MLLT10: variants seen among roughly 807,000 people sequenced by gnomAD.
The protein encoded by MLLT10 is protein AF-10.
In MLLT10, 30 loss-of-function variants were observed where a neutral mutation model predicts 129.1. That is an observed-to-expected ratio of 0.23 (90% confidence interval 0.17 to 0.32). The LOEUF (loss-of-function observed/expected upper bound fraction) is 0.32. Among genes scored for constraint, MLLT10 ranks in the 10% least tolerant of loss-of-function variants. MLLT10 has a pLI of 1.00. For missense variants in MLLT10, 1,119 were observed against 1,268.3 expected (o/e 0.88, Z 1.79); for synonymous variants, 490 against 446.4 (o/e 1.10, Z -1.23).
At chr10:21,553,970 C>T (rs771682520) in intron 3 of MLLT10, among the ~76,000 whole-genome samples, 5 of 152,052 alleles carry the variant, frequency 3.3e-5, no homozygotes, top group Non-Finnish European at 7.4e-5. Context: ...TCTTTTTAAT[C>T]GTTTGTATGT....
In MLLT10 at chr10:21,534,625, TC is replaced by T; in HGVS notation, c.1-14del. On this transcript the variant is annotated intron_variant, in intron 1 of 22. Transcript: ENST00000307729. ...TCGGCTTGCATGTGTTTTTTAATGG[TC>T]CCCCCAACTCCCTCTTAGATGGTCT... The T allele has an allele frequency of 3.8e-6, 6 of 1,590,582 alleles. No homozygotes were observed. The highest frequency in any genetic ancestry group is 1.7e-5 in the Admixed American group (1 of 57,998).
At chr10:21,566,642 T>C (rs1361103048) in intron 3 of MLLT10, among the ~76,000 whole-genome samples, 1 of 152,038 alleles carries the variant, frequency 6.6e-6, no homozygotes, top group Non-Finnish European at 1.5e-5. Flanking sequence ...TTTTTGTTTT[T>C]TTGACTGTTT....
At chr10:21,541,591 G>A (rs1487691223) in intron 3 of MLLT10, among the ~76,000 whole-genome samples, 3 of 152,072 alleles carry the variant, frequency 2.0e-5, no homozygotes, top group Non-Finnish European at 1.5e-5. Flanking sequence ...TCACCATGTT[G>A]GCCAGGCTGG....
intron 8 of MLLT10, among the ~76,000 whole-genome samples, chr10:21,651,175 G>C (rs1265506951): frequency 3.3e-5 from 5 of 152,082 alleles, no homozygotes; most frequent in Non-Finnish European, 7.4e-5. Context: ...GGGTTCAAGC[G>C]ATTCTCCTGC....
rs529937300 is a variant in MLLT10 at position 21,662,978 on chromosome 10, C to A, written c.796-7471C>A. ...AGAGTCGCCTGAGGTTGTACATTTC[C>A]CTTCCCTAGGTTAGTTAGGCTCTGA... On this transcript the variant is annotated intron_variant, in intron 9 of 22. Coordinates refer to ENST00000307729, the MANE Select transcript of MLLT10 (RefSeq NM_001195626.3). Among the ~76,000 whole-genome samples, 7 of 152,270 alleles carry A rather than the reference C, an allele frequency of 4.6e-5. No homozygotes were observed. The South Asian group carries it at 8.3e-4, about 18-fold the overall frequency.
chr10:21,566,824 T>G (rs141268071), intron 3 of MLLT10, among the ~76,000 whole-genome samples: 1,873 of 152,264 alleles, frequency 0.012, 22 homozygotes, highest in Non-Finnish European at 0.02. Context: ...TTTTTTCTTC[T>G]TTTTTTGATA....
At chr10:21,679,121 T>A (rs1330902632) in intron 11 of MLLT10, among the ~76,000 whole-genome samples, 1 of 152,160 alleles carries the variant, frequency 6.6e-6, no homozygotes, top group East Asian at 1.9e-4. Context: ...ATTCTAAAAT[T>A]TGTATTATGG....
Position 21,727,927 on chromosome 10 carries a change from C to G in MLLT10, c.2062C>G (p.Arg688Gly). The change falls in exon 16 of 23, where the codon CGA becomes GGA. Residue 688 changes from arginine (R) to glycine (G), a missense_variant and splice_region_variant. This residue lies in a region of MLLT10 where 1,004 missense variants were observed against 1,008.7 expected (regional missense o/e 1.00). Transcript: ENST00000307729. ...GSSPRGSLSP[R>G]SPVSSLQIRY... is the part of the protein sequence containing the mutation. ...CTCACCCCGAGGAAGTCTCTCGCCA[C>G]GGTAAGCGCTATTTACACTGCAAAG... 4 of 1,613,644 alleles carry G rather than the reference C, an allele frequency of 2.5e-6. No homozygotes were observed. The highest frequency in any genetic ancestry group is 1.3e-5 in the African/African-American group (1 of 74,996).
chr10:21,569,538 A>G (rs2131029541), intron 3 of MLLT10, among the ~76,000 whole-genome samples: 1 of 150,228 alleles, frequency 6.7e-6, no homozygotes, highest in East Asian at 2.0e-4. Flanking sequence ...CTCCTGCCTC[A>G]GCCTCCCGAG....
At chr10:21,608,679 G>A (rs2044300401) in intron 5 of MLLT10, among the ~76,000 whole-genome samples, 1 of 151,774 alleles carries the variant, frequency 6.6e-6, no homozygotes, top group Non-Finnish European at 1.5e-5. Context: ...TTTTCAGGCT[G>A]TTCTTTAGGT....
chr10:21,723,829 G>T (rs1008291184), intron 14 of MLLT10, among the ~76,000 whole-genome samples: 1 of 152,086 alleles, frequency 6.6e-6, no homozygotes, highest in African/African-American at 2.4e-5. Context: ...AGAGTAAATT[G>T]GCTCTACAAA....
chr10:21,735,777 G>A (rs1267323630), intron 21 of MLLT10, among the ~76,000 whole-genome samples: 2 of 152,140 alleles, frequency 1.3e-5, no homozygotes, highest in African/African-American at 2.4e-5. Context: ...CTTGTGTTCG[G>A]AAGAGAAGTC....
intron 5 of MLLT10, among the ~76,000 whole-genome samples, chr10:21,603,968 C>G (rs2043814523): frequency 6.6e-6 from 1 of 151,862 alleles, no homozygotes; most frequent in Non-Finnish European, 1.5e-5. Context: ...ATCATGTGAC[C>G]TCATCCTAAT....
chr10:21,727,656 A>G (rs1192440745), intron 15 of MLLT10, among the ~76,000 whole-genome samples, 200 bp from the exon 16 acceptor site: 4 of 152,222 alleles, frequency 2.6e-5, no homozygotes, highest in African/African-American at 9.6e-5. Context: ...CTACACCCAC[A>G]AAAACGTGTA....
chr10:21,561,353 T>A (rs1291427382), intron 3 of MLLT10, among the ~76,000 whole-genome samples: 1 of 152,128 alleles, frequency 6.6e-6, no homozygotes, highest in Non-Finnish European at 1.5e-5. Context: ...TTCTGCCTCC[T>A]GGGTTCAAGC....
At chr10:21,693,750 A>T (rs1386764343) in intron 13 of MLLT10, among the ~76,000 whole-genome samples, 1 of 152,194 alleles carries the variant, frequency 6.6e-6, no homozygotes, top group Non-Finnish European at 1.5e-5. Context: ...TGTTAGGCAT[A>T]TTTGGATTTG....
intron 4 of MLLT10, among the ~76,000 whole-genome samples, chr10:21,594,553 CA>C (rs34844830): frequency 0.34 from 19,520 of 57,652 alleles, 1,717 homozygotes; most frequent in Middle Eastern, 0.39. Flanking sequence ...AACTCTGTCT[CA>C]AAAAAAAAAA....
intron 6 of MLLT10, among the ~76,000 whole-genome samples, chr10:21,613,195 A>C (rs2044841126): frequency 6.7e-6 from 1 of 149,266 alleles, no homozygotes; most frequent in Admixed American, 6.7e-5. Context: ...TCTGTCTCAA[A>C]AAAAAAAAAA....
intron 8 of MLLT10, among the ~76,000 whole-genome samples, chr10:21,638,031 T>G (rs2047619006): frequency 6.6e-6 from 1 of 152,028 alleles, no homozygotes; most frequent in Non-Finnish European, 1.5e-5. Flanking sequence ...CTGTTTCTGT[T>G]GGACCACCCA....
Sources: gnomAD v4.1 joint callset for allele counts (sites outside exome capture counted in the v4.1 genomes callset) on GRCh38, gnomAD v4.1.1 for gene constraint, gnomAD v4.1.1 regional missense constraint, MANE v1.5 for transcripts, NCBI Gene and HGNC (gene_info 2026-07-23, HGNC 2026-07-21) for gene names.